Variants in MEGF11 observed in about 807,000 individuals in gnomAD.
MEGF11 encodes multiple EGF like domains 11, also known as multiple epidermal growth factor-like domains protein 11.
MEGF11 carries 126 observed loss-of-function variants against 146.6 expected under a neutral mutation model. The ratio of observed to expected loss-of-function variants is 0.86; its 90% CI spans 0.74 to 1.00. The LOEUF (loss-of-function observed/expected upper bound fraction) is 1.00. Ranked by LOEUF, MEGF11 falls within the 50% of genes least tolerant of loss-of-function variation. The pLI is 0.00. For synonymous variants in MEGF11, 532 were observed against 583.4 expected (o/e 0.91, Z 1.27); for missense variants, 1,509 against 1,521.2 (o/e 0.99, Z 0.13).
chr15:65,902,933 G>A (rs750701960), intron 24 of MEGF11, among the ~76,000 whole-genome samples: 2 of 152,178 alleles, frequency 1.3e-5, no homozygotes, highest in Non-Finnish European at 2.9e-5. Context: ...TTGGCTTCTA[G>A]GTGCATGCTA....
intron 24 of MEGF11, among the ~76,000 whole-genome samples, chr15:65,904,400 G>C (rs1031824763): frequency 6.6e-6 from 1 of 152,168 alleles, no homozygotes; most frequent in African/African-American, 2.4e-5. Context: ...GCTTCCAAGG[G>C]AGTAATGTCT....
At chr15:66,126,316 G>A (rs2088342985) in intron 2 of MEGF11, among the ~76,000 whole-genome samples, 2 of 152,102 alleles carry the variant, frequency 1.3e-5, no homozygotes, top group Non-Finnish European at 2.9e-5. Flanking sequence ...ACCAGGCATC[G>A]CCCACAAGCC....
chr15:66,216,385 C>T (rs930001674), intron 1 of MEGF11, among the ~76,000 whole-genome samples: 1 of 152,180 alleles, frequency 6.6e-6, no homozygotes, highest in Non-Finnish European at 1.5e-5. Context: ...GGCACAGAAC[C>T]GCAGAAGGGT....
chr15:65,941,599 C>T (rs2079994108), intron 10 of MEGF11, among the ~76,000 whole-genome samples: 1 of 152,228 alleles, frequency 6.6e-6, no homozygotes, highest in Non-Finnish European at 1.5e-5. Context: ...CTTTTCTCCT[C>T]TGTATTGATG....
intron 5 of MEGF11, among the ~76,000 whole-genome samples, chr15:66,031,674 C>T (rs2083526071): frequency 6.6e-6 from 1 of 152,192 alleles, no homozygotes; most frequent in Admixed American, 6.5e-5. Flanking sequence ...GCCACCAATT[C>T]AGTGTGTGAT....
At chr15:65,994,891 GC>G (rs1457818835) in intron 5 of MEGF11, among the ~76,000 whole-genome samples, 5 of 152,238 alleles carry the variant, frequency 3.3e-5, no homozygotes, top group African/African-American at 1.2e-4. Flanking sequence ...GCTTGGAGTT[GC>G]TTTGGCCTAG....
At chr15:66,203,739 C>A (rs1220306499) in intron 1 of MEGF11, among the ~76,000 whole-genome samples, 1 of 152,166 alleles carries the variant, frequency 6.6e-6, no homozygotes, top group Non-Finnish European at 1.5e-5. Context: ...GACCAAACAA[C>A]CAATGCAATA....
At chr15:66,199,910 A>AAAAATAAAAT (rs59958390) in intron 1 of MEGF11, among the ~76,000 whole-genome samples, 10,862 of 151,272 alleles carry the variant, frequency 0.072, 632 homozygotes, top group African/African-American at 0.16. Flanking sequence ...GGGGTTTGGC[A>AAAAATAAAAT]AAAATAAAAT....
intron 10 of MEGF11, among the ~76,000 whole-genome samples, chr15:65,949,407 A>C (rs185674271): frequency 2.6e-5 from 4 of 152,274 alleles, no homozygotes; most frequent in Admixed American, 2.0e-4. Flanking sequence ...GCAGAAACAA[A>C]TTTGTTCATT....
chr15:65,962,367 G>C (rs1409625686), intron 9 of MEGF11, among the ~76,000 whole-genome samples: 1 of 152,144 alleles, frequency 6.6e-6, no homozygotes, highest in Non-Finnish European at 1.5e-5. Flanking sequence ...GGCAATGTCT[G>C]GAAACATTTC....
intron 1 of MEGF11, among the ~76,000 whole-genome samples, chr15:66,213,102 A>G (rs1287748444): frequency 5.3e-5 from 8 of 152,188 alleles, no homozygotes; most frequent in Non-Finnish European, 8.8e-5. Context: ...GCACTGGGGA[A>G]GTGCTGGTGA....
At chr15:65,915,974 AAAC>A (rs1418977787) in intron 18 of MEGF11, among the ~76,000 whole-genome samples, 171 bp downstream of exon 18, 12 of 152,228 alleles carry the variant, frequency 7.9e-5, no homozygotes, top group Non-Finnish European at 1.8e-4. Context: ...GAAATTCTTC[AAAC>A]AATAATGTAG....
At chr15:65,901,516 A>G (rs978049804) in intron 24 of MEGF11, among the ~76,000 whole-genome samples, 2 of 151,946 alleles carry the variant, frequency 1.3e-5, no homozygotes, top group Non-Finnish European at 2.9e-5. Flanking sequence ...TTGAACCCCT[A>G]TTGTCTCTTA....
intron 24 of MEGF11, 185 bp downstream of exon 24, chr15:65,905,900 T>C (rs1027924940): frequency 1.7e-5 from 8 of 466,440 alleles, no homozygotes; most frequent in Middle Eastern, 3.4e-4. Context: ...GAATTCATTA[T>C]TATTATGATT....
In MEGF11 at chr15:65,897,639, T is replaced by C. The variant is rs1596805053; in HGVS notation, c.*295A>G. 5.2e-6 allele frequency: 1 copy of C among 190,668 alleles called. No homozygotes were observed. Among genetic ancestry groups the C allele is most frequent in the Admixed American group, 6.0e-5 (1 of 16,778 alleles). 11.8% of individuals were successfully genotyped at this position (190,668 alleles called of 1,614,324 possible). Reference sequence around the variant, plus strand: ...ATCACGTTTCAGATAAATATATATATATATATCAGCTATATTTAGCTGATG... The same window carrying C: ...ATCACGTTTCAGATAAATATATATACATATATCAGCTATATTTAGCTGATG... On this transcript the variant is annotated 3_prime_UTR_variant, in exon 26 of 26. Coordinates refer to ENST00000395614, the MANE Select transcript of MEGF11 (RefSeq NM_001385028.1).
intron 10 of MEGF11, among the ~76,000 whole-genome samples, chr15:65,935,843 G>A (rs1350511809): frequency 2.0e-5 from 3 of 152,120 alleles, no homozygotes; most frequent in Non-Finnish European, 1.5e-5. Flanking sequence ...AAAGTTTTTT[G>A]TCAAATTCCC....
rs201129046 is a variant in MEGF11 at position 65,930,890 on chromosome 15, C to T, written c.1341G>A (p.Ser447=). ...CACCATTGTTACAGCTACAGATGGA[C>T]GAGCAGTTGGGGCCATAGGTCCCTG... The part of the protein sequence containing the change: ...CAAGTYGPNC[S]SICSCNNGGT... The change falls in exon 11 of 26, where the codon TCG becomes TCA. Residue 447 remains serine, a synonymous_variant. Transcript: ENST00000395614. 6.5e-5 allele frequency: 105 copies of T among 1,611,210 alleles called. 1 individual carries two copies. Among genetic ancestry groups the T allele is most frequent in the Non-Finnish European group, 7.9e-5 (93 of 1,178,560 alleles).
chr15:65,926,161 A>G (rs1246639942), intron 13 of MEGF11, among the ~76,000 whole-genome samples: 1 of 152,364 alleles, frequency 6.6e-6, no homozygotes, highest in African/African-American at 2.4e-5. Flanking sequence ...GTAGCTGCCA[A>G]TATAAAGGCT....
At chr15:65,967,977 A>G (rs2081166754) in intron 8 of MEGF11, among the ~76,000 whole-genome samples, 1 of 152,160 alleles carries the variant, frequency 6.6e-6, no homozygotes, top group African/African-American at 2.4e-5. Context: ...GGAGGCTGCC[A>G]TGAGACAAGT....
Sources: allele counts gnomAD v4.1 joint callset (sites outside exome capture counted in the v4.1 genomes callset), GRCh38; gene constraint gnomAD v4.1.1; transcripts MANE v1.5; gene names NCBI Gene and HGNC (gene_info 2026-07-23, HGNC 2026-07-21).